The following ANO5 variants were observed in gnomAD, a reference collection of about 807,000 sequenced individuals.
ANO5 encodes the protein anoctamin-5.
ANO5 carries 109 observed loss-of-function variants against 121.0 expected under a neutral mutation model. That is an observed-to-expected ratio of 0.90 (90% CI 0.77 to 1.06). ANO5 has a LOEUF of 1.06. Among genes scored for constraint, ANO5 ranks in the 50% least tolerant of loss-of-function variants. The pLI, the probability that ANO5 is intolerant of heterozygous loss-of-function variation, is 0.00. For missense variants in ANO5, 1,064 were observed against 1,078.5 expected, an observed-to-expected ratio of 0.99 and a Z score of 0.19; for synonymous variants, 406 against 359.9, an observed-to-expected ratio of 1.13 and a Z score of -1.45.
chr11:22,279,495 C>G, intron 21 of ANO5, 49 bp from the exon 22 acceptor site: 1 of 1,462,654 alleles, frequency 6.8e-7, no homozygotes, highest in Non-Finnish European at 9.6e-7. Flanking sequence ...TTCTGCTGAG[C>G]ATGTGACACC....
intron 12 of ANO5, 64 bp from the exon 13 acceptor site, chr11:22,255,307 G>A: frequency 1.5e-6 from 2 of 1,334,016 alleles, no homozygotes; most frequent in Middle Eastern, 2.6e-4. Context: ...GTAATTAAAG[G>A]GAAAAGTTGA....
At chr11:22,264,335 T>C (rs1854291757) in intron 17 of ANO5, among the ~76,000 whole-genome samples, 1 of 152,016 alleles carries the variant, frequency 6.6e-6, no homozygotes, top group African/African-American at 2.4e-5. Context: ...CCCAAACTTT[T>C]ATTTTAAGTT....
intron 12 of ANO5, among the ~76,000 whole-genome samples, chr11:22,254,727 T>G (rs1297621683): frequency 6.6e-6 from 1 of 152,152 alleles, no homozygotes; most frequent in East Asian, 1.9e-4. Flanking sequence ...ATTGTACATT[T>G]ATACTTTATG....
intron 2 of ANO5, among the ~76,000 whole-genome samples, chr11:22,206,247 A>G (rs1323198050): frequency 6.6e-6 from 1 of 152,174 alleles, no homozygotes; most frequent in African/African-American, 2.4e-5. Context: ...AATAAAATTC[A>G]GTAATATAAA....
rs766698251 is a variant in ANO5, at chr11:22,275,996, A to G, written c.2415-98A>G. 7 of 793,032 alleles carry G rather than the reference A, an allele frequency of 8.8e-6. No homozygotes were observed. In the South Asian group the frequency reaches 9.5e-5, roughly 11 times the overall value. The allele number at this position is 793,032 out of a possible 1,614,324, so 49.1% of individuals were successfully genotyped here. A position where few individuals can be genotyped will look rare whatever the true frequency, so the allele number is the denominator to read the frequency against. Reference sequence around the variant, plus strand: ...GACCTGATTTTTCTGATCAACTAGAAAGGTCTGTTAAGAGAAATAAGAAAT... The same window carrying G: ...GACCTGATTTTTCTGATCAACTAGAGAGGTCTGTTAAGAGAAATAAGAAAT... On this transcript the variant is annotated intron_variant, in intron 20 of 21. Transcript: ENST00000324559.
At chr11:22,235,207 C>T (rs931776986) in intron 7 of ANO5, among the ~76,000 whole-genome samples, 2 of 151,738 alleles carry the variant, frequency 1.3e-5, no homozygotes, top group East Asian at 3.9e-4. Context: ...CTTTATAATA[C>T]ATCTTAATAC....
chr11:22,211,364 TC>T (rs755632528), intron 3 of ANO5, 50 bp downstream of exon 3: 1 of 1,555,790 alleles, frequency 6.4e-7, no homozygotes, highest in Non-Finnish European at 8.9e-7. Flanking sequence ...AAATGGGGCA[TC>T]TTTTTGTAGT....
At chr11:22,277,198 CAGAA>C (rs1854888035) in intron 21 of ANO5, among the ~76,000 whole-genome samples, 2 of 151,464 alleles carry the variant, frequency 1.3e-5, no homozygotes, top group South Asian at 4.2e-4. Context: ...CCCACACAGA[CAGAA>C]AGAGAGAGGG....
intron 8 of ANO5, among the ~76,000 whole-genome samples, chr11:22,236,480 CATTT>C (rs1853225492): frequency 6.6e-6 from 1 of 152,130 alleles, no homozygotes; most frequent in African/African-American, 2.4e-5. Context: ...TTCAAATGGA[CATTT>C]ATTTTAAAAA....
intron 2 of ANO5, among the ~76,000 whole-genome samples, chr11:22,206,050 A>T (rs1852110805): frequency 6.6e-6 from 1 of 152,178 alleles, no homozygotes; most frequent in Non-Finnish European, 1.5e-5. Flanking sequence ...AAGAAGAATT[A>T]ACATTAATTT....
At chr11:22,205,298 A>G (rs1852083114) in intron 2 of ANO5, among the ~76,000 whole-genome samples, 4 of 152,088 alleles carry the variant, frequency 2.6e-5, no homozygotes, top group Admixed American at 2.0e-4. Context: ...AGCCCACATG[A>G]CATAAGTTTA....
chr11:22,219,973 C>T (rs1283052096), intron 4 of ANO5, among the ~76,000 whole-genome samples: 1 of 148,994 alleles, frequency 6.7e-6, no homozygotes, highest in East Asian at 2.0e-4. Flanking sequence ...TTTTCTGAGA[C>T]ACATCAGCTT....
At chr11:22,223,713 G>C (rs961359171) in intron 5 of ANO5, among the ~76,000 whole-genome samples, 1 of 151,800 alleles carries the variant, frequency 6.6e-6, no homozygotes, top group Non-Finnish European at 1.5e-5. Flanking sequence ...TACCTATTTT[G>C]GGATATTGCT....
At chr11:22,268,735 G>A (rs757274146) in intron 17 of ANO5, among the ~76,000 whole-genome samples, 4 of 152,206 alleles carry the variant, frequency 2.6e-5, no homozygotes, top group Non-Finnish European at 5.9e-5. Flanking sequence ...GCTGTTTGCA[G>A]CCTGGTGCAT....
chr11:22,203,293 T>C (rs1157126107), intron 1 of ANO5, among the ~76,000 whole-genome samples: 2 of 152,180 alleles, frequency 1.3e-5, no homozygotes, highest in Non-Finnish European at 2.9e-5. Flanking sequence ...TACTTGAACA[T>C]GTATTTTAGT....
intron 18 of ANO5, among the ~76,000 whole-genome samples, chr11:22,272,055 CTTA>C (rs1462080427): frequency 4.0e-5 from 6 of 151,846 alleles, no homozygotes; most frequent in African/African-American, 9.7e-5. Context: ...CATTAAATGG[CTTA>C]TTATTTTTTT....
At chr11:22,208,438 G>C (rs1342473346) in intron 2 of ANO5, among the ~76,000 whole-genome samples, 2 of 152,028 alleles carry the variant, frequency 1.3e-5, no homozygotes, top group African/African-American at 2.4e-5. Context: ...GAACACATAT[G>C]TTATGATTCC....
chr11:22,265,819 C>T (rs1294830941), intron 17 of ANO5, among the ~76,000 whole-genome samples: 1 of 152,026 alleles, frequency 6.6e-6, no homozygotes, highest in Non-Finnish European at 1.5e-5. Context: ...GTAGGAAACA[C>T]CCTACTCAAT....
intron 1 of ANO5, among the ~76,000 whole-genome samples, chr11:22,197,109 A>G (rs376109287): frequency 1.3e-5 from 2 of 152,216 alleles, no homozygotes; most frequent in East Asian, 3.8e-4. Flanking sequence ...TTAATTTATA[A>G]AATTGATTGT....
Sources: gnomAD v4.1 joint callset for allele counts (sites outside exome capture counted in the v4.1 genomes callset) on GRCh38, gnomAD v4.1.1 for gene constraint, MANE v1.5 for transcripts, NCBI Gene and HGNC (gene_info 2026-07-23, HGNC 2026-07-21) for gene names.